RBFOX1: variants seen among roughly 807,000 people sequenced by gnomAD.
RBFOX1 encodes RNA binding protein fox-1 homolog 1.
A neutral mutation model predicts 57.7 loss-of-function variants in RBFOX1; 8 were observed. That is an observed-to-expected ratio of 0.14 (90% confidence interval 0.08 to 0.25). The LOEUF (loss-of-function observed/expected upper bound fraction) is 0.25, where lower values mean the gene tolerates loss of function less well. Ranked by LOEUF, RBFOX1 falls within the 10% of genes least tolerant of loss-of-function variation. The probability of loss-of-function intolerance (pLI) is 1.00; values close to 1 mark genes in which losing one functional copy is unlikely to be tolerated. For synonymous variants in RBFOX1, 326 were observed against 222.4 expected, an observed-to-expected ratio of 1.47 and a Z score of -4.15; for missense variants, 611 against 548.5, an observed-to-expected ratio of 1.11 and a Z score of -1.14.
In RBFOX1 at chr16:5,892,949, C is replaced by T. The variant is rs367677452; in HGVS notation, c.351+25614C>T. 2.4e-4 allele frequency among the ~76,000 whole-genome samples: 36 copies of T among 152,218 alleles called. No homozygotes were observed. The South Asian group carries it at 7.5e-3, about 32-fold the overall frequency. On this transcript the variant is annotated intron_variant, in intron 4 of 19. Transcript: ENST00000641259. ...GCTTTACCCTAAAGCTGGCCTTCTC[C>T]CAATGTTCAACGAAGTCTTCCCAAG...
chr16:5,753,063 G>C (rs1055096387), intron 3 of RBFOX1, among the ~76,000 whole-genome samples: 10 of 152,008 alleles, frequency 6.6e-5, no homozygotes, highest in Non-Finnish European at 1.3e-4. Flanking sequence ...GGGAGGCTGA[G>C]GTGGGAGGAT....
intron 3 of RBFOX1, among the ~76,000 whole-genome samples, chr16:7,013,172 A>G (rs1467952120): frequency 6.6e-6 from 1 of 152,196 alleles, no homozygotes; most frequent in Non-Finnish European, 1.5e-5. Context: ...TAATGCTCTG[A>G]TACTCATTGG....
intron 2 of RBFOX1, among the ~76,000 whole-genome samples, chr16:6,326,486 C>G (rs535496051): frequency 1.3e-5 from 2 of 152,228 alleles, no homozygotes; most frequent in African/African-American, 4.8e-5. Flanking sequence ...GTACTTTCTT[C>G]TCTTTCTTTG....
chr16:5,889,629 A>C (rs938996141), intron 4 of RBFOX1, among the ~76,000 whole-genome samples: 1 of 152,226 alleles, frequency 6.6e-6, no homozygotes, highest in East Asian at 1.9e-4. Flanking sequence ...GATGCAGGAC[A>C]AGCAGACTCC....
chr16:5,900,013 G>A (rs1283135573), intron 4 of RBFOX1, among the ~76,000 whole-genome samples: 1 of 152,178 alleles, frequency 6.6e-6, no homozygotes, highest in Non-Finnish European at 1.5e-5. Context: ...AGGAACTGGA[G>A]GTTGCAGTGA....
intron 1 of RBFOX1, among the ~76,000 whole-genome samples, chr16:5,345,508 A>G (rs1028919834): frequency 1.3e-5 from 2 of 152,320 alleles, no homozygotes; most frequent in East Asian, 3.9e-4. Context: ...AGCAGCCCCC[A>G]AGCCCTGGGG....
chr16:7,046,397 T>C (rs1020113084), intron 3 of RBFOX1, among the ~76,000 whole-genome samples: 1 of 152,090 alleles, frequency 6.6e-6, no homozygotes, highest in African/African-American at 2.4e-5. Flanking sequence ...TTTGCCTCTT[T>C]AGTTGGAATG....
intron 3 of RBFOX1, among the ~76,000 whole-genome samples, chr16:5,834,687 G>GA (rs2056395353): frequency 1.5e-5 from 2 of 134,866 alleles, no homozygotes; most frequent in South Asian, 5.0e-4. Context: ...AATGGGATAG[G>GA]TAGATAGATA....
chr16:5,852,113 C>T (rs957423662), intron 3 of RBFOX1, among the ~76,000 whole-genome samples: 3 of 152,152 alleles, frequency 2.0e-5, no homozygotes, highest in Non-Finnish European at 2.9e-5. Flanking sequence ...TCAGAATGAT[C>T]CTTAGTAAAA....
intron 2 of RBFOX1, among the ~76,000 whole-genome samples, chr16:5,536,708 G>C (rs1052489643): frequency 7.9e-5 from 12 of 151,986 alleles, no homozygotes; most frequent in Non-Finnish European, 1.3e-4. Context: ...AAGGGAAATG[G>C]AACAAGGAAG....
chr16:5,725,689 A>G (rs2052122910), intron 3 of RBFOX1, among the ~76,000 whole-genome samples: 1 of 151,838 alleles, frequency 6.6e-6, no homozygotes, highest in African/African-American at 2.4e-5. Context: ...TGAGGTCCAC[A>G]TTCACACCTG....
chr16:6,486,416 T>C (rs539703252), intron 2 of RBFOX1, among the ~76,000 whole-genome samples: 1 of 152,230 alleles, frequency 6.6e-6, no homozygotes, highest in African/African-American at 2.4e-5. Context: ...GAAGAAGATA[T>C]CTGAACTAAT....
chr16:7,231,200 A>C (rs1183722502), intron 4 of RBFOX1, among the ~76,000 whole-genome samples: 1 of 152,212 alleles, frequency 6.6e-6, no homozygotes, highest in African/African-American at 2.4e-5. Context: ...AGAACAACCG[A>C]AAGAGCTAGA....
intron 2 of RBFOX1, among the ~76,000 whole-genome samples, chr16:6,652,337 A>C (rs183153614): frequency 2.6e-5 from 4 of 152,110 alleles, no homozygotes; most frequent in Admixed American, 2.6e-4. Flanking sequence ...AGTCCCAGCT[A>C]CTCGGGAGGC....
chr16:5,447,596 C>T (rs957689926), intron 1 of RBFOX1, among the ~76,000 whole-genome samples: 3 of 152,146 alleles, frequency 2.0e-5, no homozygotes, highest in African/African-American at 4.8e-5. Flanking sequence ...CGAGATTTCA[C>T]CATGTTGGCC....
intron 1 of RBFOX1, among the ~76,000 whole-genome samples, chr16:6,247,422 C>T (rs1440646186): frequency 6.6e-6 from 1 of 152,124 alleles, no homozygotes; most frequent in Non-Finnish European, 1.5e-5. Flanking sequence ...ACCAGACATG[C>T]TGTCTTTTTC....
chr16:6,580,376 A>G (rs968949525), intron 2 of RBFOX1, among the ~76,000 whole-genome samples: 7 of 152,216 alleles, frequency 4.6e-5, no homozygotes, highest in Non-Finnish European at 7.3e-5. Context: ...ACATTTGCCA[A>G]TTATCTGGAG....
At chr16:5,917,357 G>T (rs2058728517) in intron 4 of RBFOX1, among the ~76,000 whole-genome samples, 1 of 152,202 alleles carries the variant, frequency 6.6e-6, no homozygotes, top group Non-Finnish European at 1.5e-5. Flanking sequence ...AGCACTTTAT[G>T]TGCATCTTAC....
intron 1 of RBFOX1, among the ~76,000 whole-genome samples, chr16:5,347,559 C>T (rs2065167445): frequency 6.6e-6 from 1 of 152,092 alleles, no homozygotes; most frequent in African/African-American, 2.4e-5. Flanking sequence ...CACCTACCGA[C>T]TCATCCTTCC....
Sources: gnomAD v4.1 joint callset for allele counts (sites outside exome capture counted in the v4.1 genomes callset) on GRCh38, gnomAD v4.1.1 for gene constraint, MANE v1.5 for transcripts, NCBI Gene and HGNC (gene_info 2026-07-23, HGNC 2026-07-21) for gene names.